CNBD1: variants seen among roughly 807,000 people sequenced by gnomAD.
CNBD1 encodes cyclic nucleotide-binding domain-containing protein 1.
In CNBD1, 71 loss-of-function variants were observed where a neutral mutation model predicts 54.4. The observed-to-expected ratio is 1.30, with a 90% CI of 1.08 to 1.59. The LOEUF is 1.59. Ranked by LOEUF, CNBD1 falls within the 40% of genes most tolerant of loss-of-function variation. The probability of loss-of-function intolerance (pLI) is 0.00; values close to 1 mark genes in which losing one functional copy is unlikely to be tolerated. For synonymous variants in CNBD1, 182 were observed against 170.7 expected, an observed-to-expected ratio of 1.07 and a Z score of -0.51; for missense variants, 659 against 518.0, an observed-to-expected ratio of 1.27 and a Z score of -2.64.
intron 4 of CNBD1, among the ~76,000 whole-genome samples, chr8:86,997,173 CTG>C (rs559707234): frequency 1.8e-3 from 268 of 152,276 alleles, no homozygotes; most frequent in Admixed American, 2.4e-3. Flanking sequence ...GGAGTACATA[CTG>C]TGTAATTAAC....
intron 6 of CNBD1, among the ~76,000 whole-genome samples, chr8:87,239,091 G>A (rs892076258): frequency 2.0e-5 from 3 of 152,074 alleles, no homozygotes; most frequent in African/African-American, 7.2e-5. Context: ...ATTGCTAGCT[G>A]GCTGGCAGGC....
chr8:87,276,337 T>A (rs1808479639), intron 6 of CNBD1, among the ~76,000 whole-genome samples: 1 of 151,876 alleles, frequency 6.6e-6, no homozygotes, highest in African/African-American at 2.4e-5. Flanking sequence ...AGATTCAGGC[T>A]CTTGAGGACA....
At chr8:87,377,009 T>C (rs1810955013) in intron 10 of CNBD1, among the ~76,000 whole-genome samples, 1 of 149,658 alleles carries the variant, frequency 6.7e-6, no homozygotes, top group South Asian at 2.1e-4. Context: ...GTTTGTTAAA[T>C]TTATTTTTTT....
chr8:87,092,955 T>C (rs1811247180), intron 4 of CNBD1, among the ~76,000 whole-genome samples: 1 of 152,204 alleles, frequency 6.6e-6, no homozygotes, highest in African/African-American at 2.4e-5. Context: ...ACCTGGGCGT[T>C]ACCACTATTT....
intron 6 of CNBD1, among the ~76,000 whole-genome samples, chr8:87,263,086 T>G (rs1362943171): frequency 6.6e-6 from 1 of 152,128 alleles, no homozygotes; most frequent in African/African-American, 2.4e-5. Flanking sequence ...ATGTGTTCCT[T>G]GTAAGATGTC....
intron 2 of CNBD1, among the ~76,000 whole-genome samples, chr8:87,402,797 A>G (rs1466847737): frequency 6.6e-6 from 1 of 152,112 alleles, no homozygotes; most frequent in East Asian, 1.9e-4. Context: ...GTGGAGTAGA[A>G]CAAAATGTGA....
intron 6 of CNBD1, among the ~76,000 whole-genome samples, chr8:87,249,648 G>A (rs1052519700): frequency 6.6e-6 from 1 of 152,080 alleles, no homozygotes; most frequent in Non-Finnish European, 1.5e-5. Flanking sequence ...CAAGAACTAG[G>A]TTCATGATCT....
At chr8:86,914,496 A>T (rs1809151983) in intron 3 of CNBD1, among the ~76,000 whole-genome samples, 1 of 152,188 alleles carries the variant, frequency 6.6e-6, no homozygotes, top group African/African-American at 2.4e-5. Context: ...ACGCTCTATG[A>T]TGTTTACCCA....
At chr8:87,349,905 T>A (rs1039270741) in intron 8 of CNBD1, among the ~76,000 whole-genome samples, 3 of 152,218 alleles carry the variant, frequency 2.0e-5, no homozygotes, top group Non-Finnish European at 2.9e-5. Flanking sequence ...GAAAAATTCC[T>A]GTGGCCTTAT....
At chr8:87,118,818 T>C (rs971712618) in intron 4 of CNBD1, among the ~76,000 whole-genome samples, 11 of 152,238 alleles carry the variant, frequency 7.2e-5, no homozygotes, top group African/African-American at 1.2e-4. Flanking sequence ...ATATGCTTCA[T>C]TAGTTTCCTG....
chr8:87,248,985 C>G (rs1807861149), intron 6 of CNBD1, among the ~76,000 whole-genome samples: 1 of 152,098 alleles, frequency 6.6e-6, no homozygotes, highest in Non-Finnish European at 1.5e-5. Context: ...TGAAGTATAT[C>G]AACTCACTAC....
intron 10 of CNBD1, among the ~76,000 whole-genome samples, chr8:87,372,162 A>G (rs1449721542): frequency 2.0e-5 from 3 of 152,120 alleles, no homozygotes; most frequent in South Asian, 4.1e-4. Flanking sequence ...AAATCAATGT[A>G]CAAAAATCAC....
At chr8:86,882,590 C>T (rs1808621499) in intron 1 of CNBD1, among the ~76,000 whole-genome samples, 1 of 152,102 alleles carries the variant, frequency 6.6e-6, no homozygotes, top group Admixed American at 6.6e-5. Context: ...ATCAGCTCAA[C>T]CATTGTGGAA....
At chr8:87,402,967 ATC>A (rs1807593991) in intron 2 of CNBD1, among the ~76,000 whole-genome samples, 1 of 152,054 alleles carries the variant, frequency 6.6e-6, no homozygotes, top group African/African-American at 2.4e-5. Context: ...CAATTGTGTT[ATC>A]TCTCCAAGGA....
intron 6 of CNBD1, among the ~76,000 whole-genome samples, chr8:87,243,932 T>C (rs1807751392): frequency 6.6e-6 from 1 of 152,114 alleles, no homozygotes; most frequent in South Asian, 2.1e-4. Flanking sequence ...TATGTTTTGT[T>C]TTTTTAATTA....
chr8:87,375,675 T>C (rs553335688), intron 10 of CNBD1, among the ~76,000 whole-genome samples: 3 of 151,892 alleles, frequency 2.0e-5, no homozygotes, highest in Admixed American at 6.6e-5. Context: ...AAATTCATTA[T>C]GTCTTGCAAG....
chr8:87,129,341 C>T (rs1349769035), intron 4 of CNBD1, among the ~76,000 whole-genome samples: 1 of 152,044 alleles, frequency 6.6e-6, no homozygotes, highest in Non-Finnish European at 1.5e-5. Flanking sequence ...TACATTTCAT[C>T]TATATATCTA....
chr8:87,401,896 C>A (rs767938817), intron 2 of CNBD1, among the ~76,000 whole-genome samples: 8 of 151,968 alleles, frequency 5.3e-5, no homozygotes, highest in Non-Finnish European at 1.0e-4. Flanking sequence ...CCCTCTCTTC[C>A]TTGTGCACAA....
chr8:86,945,020 G>T (rs1807433208), intron 4 of CNBD1, among the ~76,000 whole-genome samples: 1 of 152,044 alleles, frequency 6.6e-6, no homozygotes, highest in Non-Finnish European at 1.5e-5. Flanking sequence ...GAGAATCCTG[G>T]GCAAATCATC....
Sources: allele counts gnomAD v4.1 joint callset (sites outside exome capture counted in the v4.1 genomes callset), GRCh38; gene constraint gnomAD v4.1.1; transcripts MANE v1.5; gene names NCBI Gene and HGNC (gene_info 2026-07-23, HGNC 2026-07-21).